The following UGT1A6 variants were observed in gnomAD, a reference collection of about 807,000 sequenced individuals.
UGT1A6 encodes UDP glucuronosyltransferase family 1 member A6.
UGT1A6 carries 32 observed loss-of-function variants against 44.4 expected under a neutral mutation model. That is an observed-to-expected ratio of 0.72 (90% CI 0.54 to 0.97). The LOEUF (loss-of-function observed/expected upper bound fraction) is 0.97. Among genes scored for constraint, UGT1A6 ranks in the 50% least tolerant of loss-of-function variants. The probability of loss-of-function intolerance (pLI) is 0.00; values close to 1 mark genes in which losing one functional copy is unlikely to be tolerated. For missense variants in UGT1A6, 685 were observed against 661.9 expected, an observed-to-expected ratio of 1.03 and a Z score of -0.38; for synonymous variants, 238 against 248.5, an observed-to-expected ratio of 0.96 and a Z score of 0.40.
At chr2:233,744,758 T>C (rs1487522872) in intron 1 of UGT1A6, among the ~76,000 whole-genome samples, 3 of 151,834 alleles carry the variant, frequency 2.0e-5, no homozygotes, top group Non-Finnish European at 4.4e-5. Flanking sequence ...ATGGAAATAG[T>C]TTTAACTTTG....
At chr2:233,724,187 G>C (rs1459882110) in intron 1 of UGT1A6, among the ~76,000 whole-genome samples, 1 of 123,412 alleles carries the variant, frequency 8.1e-6, no homozygotes, top group East Asian at 2.3e-4. Flanking sequence ...CCTCCCGGAC[G>C]GGGTGGCTGG....
At chr2:233,734,487 G>T (rs1258869591) in intron 1 of UGT1A6, among the ~76,000 whole-genome samples, 1 of 151,866 alleles carries the variant, frequency 6.6e-6, no homozygotes, top group East Asian at 1.9e-4. Flanking sequence ...TGATTTTTTT[G>T]AAGGTTTTTT....
At chr2:233,694,512 A>C (rs2075224348) in intron 1 of UGT1A6, among the ~76,000 whole-genome samples, 1 of 152,186 alleles carries the variant, frequency 6.6e-6, no homozygotes, top group African/African-American at 2.4e-5. Context: ...CCCTCCTGAC[A>C]TGTAGGAAAA....
intron 1 of UGT1A6, among the ~76,000 whole-genome samples, chr2:233,722,802 C>T (rs1232837199): frequency 1.3e-5 from 2 of 150,390 alleles, no homozygotes; most frequent in East Asian, 3.9e-4. Context: ...AGTCATCTCC[C>T]TCTTATTTTT....
At chr2:233,729,553 G>A in intron 1 of UGT1A6, 1 of 1,614,176 alleles carries the variant, frequency 6.2e-7, no homozygotes, top group Middle Eastern at 1.7e-4. Context: ...GCACCTGAAT[G>A]CTACTTCCTT....
chr2:233,742,517 C>A (rs1053081898), intron 1 of UGT1A6, among the ~76,000 whole-genome samples: 5 of 151,892 alleles, frequency 3.3e-5, no homozygotes, highest in African/African-American at 1.2e-4. Context: ...GAACACGTCA[C>A]AGTGCTGCAG....
intron 1 of UGT1A6, among the ~76,000 whole-genome samples, chr2:233,726,193 G>A (rs2077515288): frequency 6.6e-6 from 1 of 152,108 alleles, no homozygotes; most frequent in Admixed American, 6.5e-5. Flanking sequence ...TTTGGCATAT[G>A]GAAATCTTGT....
intron 1 of UGT1A6, among the ~76,000 whole-genome samples, chr2:233,733,240 C>T (rs912669842): frequency 1.8e-4 from 28 of 152,276 alleles, no homozygotes; most frequent in Admixed American, 1.5e-3. Flanking sequence ...AATATACAAT[C>T]ATGTCATCTG....
chr2:233,729,609 G>A (rs745477342), intron 1 of UGT1A6: 1 of 1,613,988 alleles, frequency 6.2e-7, no homozygotes, highest in South Asian at 1.1e-5. Context: ...CGGCAGTGCT[G>A]GCTAAGTACC....
chr2:233,728,225 C>T (rs2077691607), intron 1 of UGT1A6, among the ~76,000 whole-genome samples: 1 of 152,206 alleles, frequency 6.6e-6, no homozygotes, highest in Non-Finnish European at 1.5e-5. Flanking sequence ...TGACCATAAT[C>T]TTCAGGATGA....
intron 1 of UGT1A6, among the ~76,000 whole-genome samples, chr2:233,728,087 A>G (rs1166849113): frequency 6.6e-6 from 1 of 152,214 alleles, no homozygotes; most frequent in Non-Finnish European, 1.5e-5. Context: ...TCTCTCCTTT[A>G]GAAAGGCACA....
chr2:233,747,263 T>C (rs1693601928), intron 1 of UGT1A6: 3 of 1,599,140 alleles, frequency 1.9e-6, no homozygotes, highest in East Asian at 2.2e-5. Context: ...ACAGGAGTGC[T>C]ACTCCTTCTC....
intron 1 of UGT1A6, among the ~76,000 whole-genome samples, chr2:233,737,688 T>C (rs2078910745): frequency 6.6e-6 from 1 of 152,202 alleles, no homozygotes; most frequent in Non-Finnish European, 1.5e-5. Context: ...TGGCCATTGG[T>C]GCTGAAGCTT....
rs1375578843 is a variant in UGT1A6, at chr2:233,769,338, C to A, written c.1301+899C>A. Among the ~76,000 whole-genome samples the A allele has an allele frequency of 6.6e-6, 1 of 152,184 alleles. No individual in the cohort carries two copies. Among genetic ancestry groups the A allele is most frequent in the East Asian group, 1.9e-4 (1 of 5,204 alleles). On this transcript the variant is annotated intron_variant, in intron 4 of 4. Transcript: ENST00000305139. The surrounding 1 kb of genome is among the most constrained non-coding windows in gnomAD (Gnocchi z 4.4). ...CTCACTGGTAATAGGCTTATTAGAA[C>A]CTTATGGGAAGAAGTGGTGGCCAGT...
intron 4 of UGT1A6, 141 bp from the exon 5 acceptor site, chr2:233,772,121 A>G (rs1700464969): frequency 3.3e-6 from 5 of 1,536,424 alleles, no homozygotes; most frequent in East Asian, 2.5e-5. Flanking sequence ...TCTAAAAACA[A>G]CAACAACAAC....
intron 1 of UGT1A6, chr2:233,760,273 A>G (rs113386420): frequency 2.5e-6 from 4 of 1,612,532 alleles, no homozygotes; most frequent in Admixed American, 1.7e-5. Flanking sequence ...AACCTCTGGC[A>G]GGAGCAAAGG....
At chr2:233,752,004 G>A (rs558992613) in intron 1 of UGT1A6, among the ~76,000 whole-genome samples, 1 of 152,302 alleles carries the variant, frequency 6.6e-6, no homozygotes, top group Admixed American at 6.5e-5. Context: ...GAAAGTTGAT[G>A]AGAAAGTGGA....
intron 1 of UGT1A6, among the ~76,000 whole-genome samples, chr2:233,736,717 T>A (rs954698353): frequency 4.0e-5 from 6 of 151,034 alleles, no homozygotes; most frequent in Non-Finnish European, 3.0e-5. Flanking sequence ...GATGTCCTTT[T>A]TGTTGATGTT....
chr2:233,755,676 G>A (rs1559401147), intron 1 of UGT1A6: 1 of 157,436 alleles, frequency 6.4e-6, no homozygotes, highest in Non-Finnish European at 1.4e-5. Context: ...TGGTGGGAGT[G>A]AGTTTAGTCT....
Sources: allele counts gnomAD v4.1 joint callset (sites outside exome capture counted in the v4.1 genomes callset), GRCh38; gene constraint gnomAD v4.1.1; non-coding constraint Gnocchi (gnomAD v3.1); transcripts MANE v1.5; gene names NCBI Gene and HGNC (gene_info 2026-07-23, HGNC 2026-07-21).